The following FAM78A variants were observed in gnomAD, a reference collection of about 807,000 sequenced individuals.
FAM78A encodes the protein protein FAM78A.
A neutral mutation model predicts 22.6 loss-of-function variants in FAM78A; 12 were observed. The observed-to-expected ratio is 0.53, with a 90% CI of 0.34 to 0.86. The LOEUF (loss-of-function observed/expected upper bound fraction) is 0.86, where lower values mean the gene tolerates loss of function less well. Ranked by LOEUF, FAM78A falls within the 40% of genes least tolerant of loss-of-function variation. The pLI, the probability that FAM78A is intolerant of heterozygous loss-of-function variation, is 0.02. For synonymous variants in FAM78A, 151 were observed against 155.8 expected (o/e 0.97, Z 0.23); for missense variants, 322 against 396.1 (o/e 0.81, Z 1.59).
rs113629793 is a variant in FAM78A at position 131,265,807 on chromosome 9, T to C, written c.324-4457A>G. Among the ~76,000 whole-genome samples the C allele has an allele frequency of 6.6e-5, 10 of 152,318 alleles. No individual in the cohort carries two copies. Among genetic ancestry groups the C allele is most frequent in the African/African-American group, 2.4e-4 (10 of 41,570 alleles). ...GAGCCCAGCAGGCCGTTCACCTCCA[T>C]GGCTGTGGGCAGAGGCAGGCAGAGC... On this transcript the variant is annotated intron_variant, in intron 1 of 1. Transcript: ENST00000372271. The surrounding 1 kb of genome is among the most constrained non-coding windows in gnomAD (Gnocchi z 4.3).
chr9:131,261,114 T>C lies in FAM78A; in HGVS notation c.560A>G (p.Gln187Arg). 6.2e-7 allele frequency: 1 copy of C among 1,614,150 alleles called. No individual in the cohort carries two copies. Among genetic ancestry groups the C allele is most frequent in the Non-Finnish European group, 8.5e-7 (1 of 1,179,988 alleles). Reference protein sequence around the residue: ...VAKLTNIYRDQSFTTWLVATN... With the variant: ...VAKLTNIYRDRSFTTWLVATN... ...GGCCACCAGCCAGGTGGTGAAGCTC[T>C]GGTCCCGGTAGATATTGGTGAGCTT... The change falls in exon 2 of 2, where the codon CAG becomes CGG. Residue 187 changes from glutamine to arginine, a missense_variant. Physicochemically the swap from Gln to Arg is conservative, Grantham distance 43. Transcript: ENST00000372271. This position sits in a 1 kb window ranked among gnomAD's most constrained non-coding sequence, Gnocchi z 7.1.
Position 131,276,244 on chromosome 9 carries a change from C to T in FAM78A, c.-65G>A. On this transcript the variant is annotated 5_prime_UTR_variant, in exon 1 of 2. Coordinates refer to ENST00000372271, the MANE Select transcript of FAM78A (RefSeq NM_033387.4). The surrounding 1 kb of genome is among the most constrained non-coding windows in gnomAD (Gnocchi z 4.3). ...TGCTCTCCAATCTCAACTCTCAAGACCGATATCCATAGGATAGAAAACTCA... is the reference window on the plus strand; with the variant it reads ...TGCTCTCCAATCTCAACTCTCAAGATCGATATCCATAGGATAGAAAACTCA... 3 of 1,371,850 alleles carry T rather than the reference C, an allele frequency of 2.2e-6. No individual in the cohort carries two copies. Among genetic ancestry groups the T allele is most frequent in the Non-Finnish European group, 3.0e-6 (3 of 992,674 alleles). The allele number at this position is 1,371,850 out of a possible 1,614,324, so 85.0% of individuals were successfully genotyped here.
upstream of FAM78A, among the ~76,000 whole-genome samples, chr9:131,280,656 C>T (rs10901363): frequency 0.34 from 52,122 of 152,090 alleles, 9,964 homozygotes; most frequent in East Asian, 0.51. Context: ...TCCTCAATTC[C>T]TGGCACATTG....
Position 131,274,115 on chromosome 9 carries a change from C to T in FAM78A, c.323+1742G>A, listed in dbSNP as rs750126863. Among the ~76,000 whole-genome samples, 1 of 152,230 alleles carries T rather than the reference C, an allele frequency of 6.6e-6. No individual in the cohort carries two copies. The highest frequency in any genetic ancestry group is 1.5e-5 in the Non-Finnish European group (1 of 68,038). On this transcript the variant is annotated intron_variant, in intron 1 of 1. Transcript: ENST00000372271. The surrounding 1 kb of genome is among the most constrained non-coding windows in gnomAD (Gnocchi z 4.2). ...GGAGAACAAGTCTTAGACAAGACAT[C>T]GGAAGCCCATGTGCACAGATGGGGA... is the stretch of plus-strand genomic sequence containing the variant.
In FAM78A at chr9:131,274,380, C is replaced by T. The variant is rs10901359; in HGVS notation, c.323+1477G>A. ...GCCCGAGGAGGTTTCTGGGCTTAAG[C>T]GTTCTTAGAAAAGGTCCTCACTGCA... is the stretch of plus-strand genomic sequence containing the variant. On this transcript the variant is annotated intron_variant, in intron 1 of 1. Coordinates refer to ENST00000372271, the MANE Select transcript of FAM78A (RefSeq NM_033387.4). The surrounding 1 kb of genome is among the most constrained non-coding windows in gnomAD (Gnocchi z 4.2). Among the ~76,000 whole-genome samples, 51,830 of 152,148 alleles carry T rather than the reference C, an allele frequency of 0.34. 9,687 individuals carry two copies. The highest frequency in any genetic ancestry group is 0.52 in the East Asian group (2,681 of 5,170).
chr9:131,265,468 C>T lies in FAM78A; in HGVS notation c.324-4118G>A, dbSNP rs1300737529. On this transcript the variant is annotated intron_variant, in intron 1 of 1. Transcript: ENST00000372271. This position sits in a 1 kb window ranked among gnomAD's most constrained non-coding sequence, Gnocchi z 4.3. ...TTCACCGTGTTATTCAGGTTGGTCT[C>T]GAACTCCTGACCTCAGGTAACCCAC... Among the ~76,000 whole-genome samples, 2 of 152,128 alleles carry T rather than the reference C, an allele frequency of 1.3e-5. No homozygotes were observed. Among genetic ancestry groups the T allele is most frequent in the Non-Finnish European group, 2.9e-5 (2 of 68,018 alleles).
intron 1 of FAM78A, chr9:131,270,623 C>G (rs543863069): frequency 7.3e-6 from 5 of 682,724 alleles, no homozygotes; most frequent in Non-Finnish European, 1.4e-5. Context: ...CCACCCACCC[C>G]GCCCTTGCCT....
At chr9:131,279,091 G>C (rs115788372), upstream of FAM78A, among the ~76,000 whole-genome samples, 5 of 152,352 alleles carry the variant, frequency 3.3e-5, no homozygotes, top group African/African-American at 1.2e-4. Flanking sequence ...GCTATGGCCC[G>C]TATCCCCAGC....
intron 1 of FAM78A, among the ~76,000 whole-genome samples, chr9:131,267,024 C>T (rs936224404): frequency 6.6e-5 from 10 of 152,206 alleles, no homozygotes; most frequent in Non-Finnish European, 8.8e-5. Flanking sequence ...CCTGAGCACA[C>T]GGGCTGCGCC....
upstream of FAM78A, among the ~76,000 whole-genome samples, chr9:131,278,968 G>A (rs1263944440): frequency 2.0e-5 from 3 of 152,244 alleles, no homozygotes; most frequent in African/African-American, 4.8e-5. Flanking sequence ...TCTCTCCTTT[G>A]AGGGGTTAAC....
rs1588195721 is a variant in FAM78A at position 131,260,847 on chromosome 9, A to G, written c.827T>C (p.Val276Ala). ...MWRPKYGQPL[V>A]VIPPKHR ...TCACCGGTGCTTGGGCGGGATCACC[A>G]CCAGCGGCTGCCCGTACTTGGGCCG... The change falls in exon 2 of 2, where the codon GTG becomes GCG. Residue 276 changes from valine (V) to alanine (A), a missense_variant. Val to Ala is a moderately conservative substitution (Grantham distance 64). Transcript: ENST00000372271. This position sits in a 1 kb window ranked among gnomAD's most constrained non-coding sequence, Gnocchi z 5.4. 1 of 1,523,788 alleles carries G rather than the reference A, an allele frequency of 6.6e-7. No homozygotes were observed. The highest frequency in any genetic ancestry group is 1.4e-5 in the African/African-American group (1 of 72,196). 94.4% of individuals were successfully genotyped at this position (1,523,788 alleles called of 1,614,324 possible). A position where few individuals can be genotyped will look rare whatever the true frequency, so the allele number is the denominator to read the frequency against.
At chr9:131,279,582 T>A (rs559172042), upstream of FAM78A, among the ~76,000 whole-genome samples, 1 of 152,258 alleles carries the variant, frequency 6.6e-6, no homozygotes, top group African/African-American at 2.4e-5. Flanking sequence ...TGCACGTCCC[T>A]CTCGTGGAAA....
In FAM78A at chr9:131,275,892, G is replaced by A; in HGVS notation, c.288C>T (p.His96=). 6.2e-7 allele frequency: 1 copy of A among 1,609,492 alleles called. No homozygotes were observed. The highest frequency in any genetic ancestry group is 1.7e-5 in the Admixed American group (1 of 59,854). ...WVVGWIQACS[H]MEFYNQYGEQ... ...CGCCGTACTGGTTGTAGAACTCCAT[G>A]TGGCTGCACGCCTGGATCCAGCCAA... is the stretch of plus-strand genomic sequence containing the variant. Residue 96 remains histidine (H), a synonymous_variant, in exon 1 of 2, where the codon CAC becomes CAT. Coordinates refer to ENST00000372271, the MANE Select transcript of FAM78A (RefSeq NM_033387.4). This position sits in a 1 kb window ranked among gnomAD's most constrained non-coding sequence, Gnocchi z 4.6.
chr9:131,261,151 T>C lies in FAM78A; in HGVS notation c.523A>G (p.Ser175Gly), dbSNP rs1278709856. The C allele has an allele frequency of 6.2e-7, 1 of 1,613,972 alleles. No homozygotes were observed. The highest frequency in any genetic ancestry group is 8.5e-7 in the Non-Finnish European group (1 of 1,180,020). Residue 175 changes from serine (S) to glycine (G), a missense_variant, in exon 2 of 2, where the codon AGC becomes GGC. Coordinates refer to ENST00000372271, the MANE Select transcript of FAM78A (RefSeq NM_033387.4). The surrounding 1 kb of genome is among the most constrained non-coding windows in gnomAD (Gnocchi z 7.1). Reference sequence around the variant, plus strand: ...ATATTGGTGAGCTTGGCCACGTTGCTCTCGCTGACGGGCACGGCCCATGTG... The same window carrying C: ...ATATTGGTGAGCTTGGCCACGTTGCCCTCGCTGACGGGCACGGCCCATGTG... ...SVTWAVPVSE[S>G]NVAKLTNIYR...
In FAM78A at chr9:131,275,845, G is replaced by A. The variant is rs373137959; in HGVS notation, c.323+12C>T. 23 of 1,562,472 alleles carry A rather than the reference G, an allele frequency of 1.5e-5. No individual in the cohort carries two copies. The highest frequency in any genetic ancestry group is 2.3e-5 in the East Asian group (1 of 44,352). On this transcript the variant is annotated intron_variant, in intron 1 of 1. Coordinates refer to ENST00000372271, the MANE Select transcript of FAM78A (RefSeq NM_033387.4). The surrounding 1 kb of genome is among the most constrained non-coding windows in gnomAD (Gnocchi z 4.6). ...CTAGCAGTTCCCAGAGCTGGCTCTC[G>A]GCCGTACTCACATGCCCTGCTCGCC...
At position 131,276,151 on chromosome 9, in the gene FAM78A, G is replaced by A. The variant is rs777434307; in HGVS notation, c.29C>T (p.Pro10Leu). Reference sequence around the variant, plus strand: ...CAGGAGCGCTCTGATCTCCAGGGAAGGCCAGCAGTCACAGAAAAAACCAGG... The same window carrying A: ...CAGGAGCGCTCTGATCTCCAGGGAAAGCCAGCAGTCACAGAAAAAACCAGG... MPGFFCDCW[P>L]SLEIRALLYA... The change falls in exon 1 of 2, where the codon CCT becomes CTT. Residue 10 changes from proline to leucine, a missense_variant. Pro to Leu is a moderately conservative substitution (Grantham distance 98, BLOSUM62 -3). Transcript: ENST00000372271. This position sits in a 1 kb window ranked among gnomAD's most constrained non-coding sequence, Gnocchi z 4.3. 1 of 1,612,838 alleles carries A rather than the reference G, an allele frequency of 6.2e-7. No homozygotes were observed. The highest frequency in any genetic ancestry group is 8.5e-7 in the Non-Finnish European group (1 of 1,179,542).
rs1013355168 is a variant in FAM78A, at chr9:131,265,410, C to G, written c.324-4060G>C. Among the ~76,000 whole-genome samples, 15 of 152,184 alleles carry G rather than the reference C, an allele frequency of 9.9e-5. No individual in the cohort carries two copies. The highest frequency in any genetic ancestry group is 3.9e-4 in the East Asian group (2 of 5,182). Reference sequence around the variant, plus strand: ...AGCTGGGATTACAGGCATGTGCCACCATGCCGGACTAATTATTTAGTAGAG... The same window carrying G: ...AGCTGGGATTACAGGCATGTGCCACGATGCCGGACTAATTATTTAGTAGAG... On this transcript the variant is annotated intron_variant, in intron 1 of 1. Transcript: ENST00000372271. The surrounding 1 kb of genome is among the most constrained non-coding windows in gnomAD (Gnocchi z 4.3).
At position 131,261,869 on chromosome 9, in the gene FAM78A, G is replaced by A. The variant is rs914217491; in HGVS notation, c.324-519C>T. Reference sequence around the variant, plus strand: ...AACAGGGAAGCTCAGGACACCCTGCGCCCACTGCGCCTTCTGCTCACCTAC... The same window carrying A: ...AACAGGGAAGCTCAGGACACCCTGCACCCACTGCGCCTTCTGCTCACCTAC... On this transcript the variant is annotated intron_variant, in intron 1 of 1. Transcript: ENST00000372271. The surrounding 1 kb of genome is among the most constrained non-coding windows in gnomAD (Gnocchi z 7.1). Among the ~76,000 whole-genome samples the A allele has an allele frequency of 4.6e-5, 7 of 152,146 alleles. No homozygotes were observed. Among genetic ancestry groups the A allele is most frequent in the East Asian group, 1.9e-4 (1 of 5,184 alleles).
rs993111474 is a variant in FAM78A, at chr9:131,275,653, G to A, written c.323+204C>T. On this transcript the variant is annotated intron_variant, in intron 1 of 1. Coordinates refer to ENST00000372271, the MANE Select transcript of FAM78A (RefSeq NM_033387.4). This position sits in a 1 kb window ranked among gnomAD's most constrained non-coding sequence, Gnocchi z 4.6. ...CAGTGGCAGGGTAGATTGCAGGACC[G>A]TGACTCCAATCTGGATCCACAGGCA... Among the ~76,000 whole-genome samples, 2 of 152,200 alleles carry A rather than the reference G, an allele frequency of 1.3e-5. No individual in the cohort carries two copies. Among genetic ancestry groups the A allele is most frequent in the Non-Finnish European group, 2.9e-5 (2 of 68,032 alleles).
Sources: allele counts gnomAD v4.1 joint callset (sites outside exome capture counted in the v4.1 genomes callset), GRCh38; gene constraint gnomAD v4.1.1; non-coding constraint Gnocchi (gnomAD v3.1); transcripts MANE v1.5; gene names NCBI Gene and HGNC (gene_info 2026-07-23, HGNC 2026-07-21).